The following WAPL variants were observed in gnomAD, a reference collection of about 807,000 sequenced individuals.
WAPL encodes WAPL cohesin release factor, also known as wings apart-like protein homolog.
A neutral mutation model predicts 121.0 loss-of-function variants in WAPL; 5 were observed. The ratio of observed to expected loss-of-function variants is 0.04; its 90% CI spans 0.02 to 0.09. The LOEUF is 0.09. Among genes scored for constraint, WAPL ranks in the 10% least tolerant of loss-of-function variants. The pLI, the probability that WAPL is intolerant of heterozygous loss-of-function variation, is 1.00. For missense variants in WAPL, 999 were observed against 1,410.8 expected (o/e 0.71, Z 4.68); for synonymous variants, 480 against 481.5 (o/e 1.00, Z 0.04).
At chr10:86,468,987 C>T (rs967524786) in intron 8 of WAPL, among the ~76,000 whole-genome samples, 26 of 152,024 alleles carry the variant, frequency 1.7e-4, no homozygotes, top group African/African-American at 6.0e-4. Context: ...CTCTGTAATC[C>T]CAGCTACTCA....
intron 10 of WAPL, among the ~76,000 whole-genome samples, chr10:86,460,953 T>G (rs1181723006): frequency 6.6e-6 from 1 of 152,196 alleles, no homozygotes; most frequent in Non-Finnish European, 1.5e-5. Flanking sequence ...CCTCAGGTGA[T>G]CCGCCCGCCT....
intron 2 of WAPL, among the ~76,000 whole-genome samples, chr10:86,508,073 G>A (rs975661876): frequency 6.6e-6 from 1 of 152,140 alleles, no homozygotes; most frequent in Non-Finnish European, 1.5e-5. Context: ...ATACACACTA[G>A]GTAGATTAGT....
chr10:86,509,135 T>C (rs1564588968), intron 2 of WAPL, among the ~76,000 whole-genome samples: 3 of 152,222 alleles, frequency 2.0e-5, no homozygotes, highest in Admixed American at 6.5e-5. Context: ...CCAGATAATA[T>C]TTATATACTG....
chr10:86,447,078 G>A (rs765794514), intron 15 of WAPL, among the ~76,000 whole-genome samples: 1 of 152,192 alleles, frequency 6.6e-6, no homozygotes, highest in Admixed American at 6.5e-5. Flanking sequence ...GAGTAAAGGA[G>A]GTCAAAATTA....
At chr10:86,444,904 A>AAAAG (rs1278426891) in intron 16 of WAPL, among the ~76,000 whole-genome samples, 8 of 151,076 alleles carry the variant, frequency 5.3e-5, no homozygotes, top group Non-Finnish European at 8.8e-5. Flanking sequence ...AAAAAAAAAA[A>AAAAG]AAAAAAAAGA....
At chr10:86,478,636 C>A (rs1176202852) in intron 4 of WAPL, among the ~76,000 whole-genome samples, 1 of 152,136 alleles carries the variant, frequency 6.6e-6, no homozygotes, top group African/African-American at 2.4e-5. Context: ...TCAAATGTGA[C>A]ATTCCATTAA....
rs760009493 is a variant in WAPL, at chr10:86,500,149, C to G, written c.1094G>C (p.Cys365Ser). The change falls in exon 3 of 19, where the codon TGC becomes TCC. Residue 365 changes from cysteine (C) to serine (S), a missense_variant. This residue lies in a region of WAPL where 531 missense variants were observed against 563.1 expected (regional missense o/e 0.94). Transcript: ENST00000298767. ...TRDYTVLHPSCLSVCNVTIQD... is the reference protein window; with the variant it reads ...TRDYTVLHPSSLSVCNVTIQD... ...TATGGTAACATTACAAACTGACAAGCAAGATGGATGTAAAACAGTGTAATC... is the reference window on the plus strand; with the variant it reads ...TATGGTAACATTACAAACTGACAAGGAAGATGGATGTAAAACAGTGTAATC... The G allele has an allele frequency of 3.1e-6, 5 of 1,614,188 alleles. No homozygotes were observed. In the South Asian group the frequency reaches 4.4e-5, roughly 14 times the overall value.
chr10:86,469,561 TCTACTTACACAATCTAAATA>T (rs1480167420), intron 8 of WAPL, among the ~76,000 whole-genome samples: 1 of 152,014 alleles, frequency 6.6e-6, no homozygotes, highest in African/African-American at 2.4e-5. Context: ...GCCAGGACAC[TCTACTTACACAATCTAAATA>T]CTGAAGGTGA....
chr10:86,445,300 A>G (rs1449941342), intron 16 of WAPL, among the ~76,000 whole-genome samples: 1 of 152,154 alleles, frequency 6.6e-6, no homozygotes, highest in Non-Finnish European at 1.5e-5. Context: ...ACTAACCTGT[A>G]TTATTTTTTC....
chr10:86,507,685 T>C (rs1416141566), intron 2 of WAPL, among the ~76,000 whole-genome samples: 1 of 151,874 alleles, frequency 6.6e-6, no homozygotes, highest in Admixed American at 6.6e-5. Context: ...CTAAAATGCT[T>C]CACTTCATAA....
chr10:86,496,331 G>A (rs1028758802), intron 4 of WAPL, among the ~76,000 whole-genome samples: 3 of 152,162 alleles, frequency 2.0e-5, no homozygotes, highest in Non-Finnish European at 2.9e-5. Flanking sequence ...GCCCTCATAT[G>A]TTGCTGGTAG....
chr10:86,486,729 G>A (rs1841937533), intron 4 of WAPL, among the ~76,000 whole-genome samples: 1 of 152,182 alleles, frequency 6.6e-6, no homozygotes, highest in African/African-American at 2.4e-5. Context: ...GCCGAGACCG[G>A]CAGATGGCTA....
intron 1 of WAPL, among the ~76,000 whole-genome samples, chr10:86,519,629 C>T (rs181787056): frequency 2.1e-4 from 32 of 152,320 alleles, no homozygotes; most frequent in African/African-American, 7.0e-4. Context: ...AGCTCTAACA[C>T]TAACAAGTCT....
intron 2 of WAPL, among the ~76,000 whole-genome samples, chr10:86,510,314 C>T (rs11202050): frequency 2.0e-5 from 3 of 152,088 alleles, no homozygotes; most frequent in African/African-American, 7.2e-5. Flanking sequence ...ACCTCGTGAT[C>T]CACCCGCCTT....
Position 86,446,356 on chromosome 10 carries a change from C to T in WAPL, c.3208G>A (p.Gly1070Arg), listed in dbSNP as rs1849618637. Residue 1070 changes from glycine (G) to arginine (R), a missense_variant, in exon 16 of 19, where the codon GGA (glycine) becomes AGA (arginine). Transcript: ENST00000298767. ...DAPTTQHDKS[G>R]EWQETSGEIQ... ...TCTCCACTTGTTTCTTGCCACTCTCCACTCTTATCATGCTGAGTGGTGGGA... is the reference window on the plus strand; with the variant it reads ...TCTCCACTTGTTTCTTGCCACTCTCTACTCTTATCATGCTGAGTGGTGGGA... 1 of 1,614,146 alleles carries T rather than the reference C, an allele frequency of 6.2e-7. No individual in the cohort carries two copies. The highest frequency in any genetic ancestry group is 8.5e-7 in the Non-Finnish European group (1 of 1,180,044).
At chr10:86,456,972 C>T (rs547132299) in intron 12 of WAPL, among the ~76,000 whole-genome samples, 65 of 152,226 alleles carry the variant, frequency 4.3e-4, no homozygotes, top group African/African-American at 1.5e-3. Context: ...CCTGAATTTC[C>T]TAATCACAAC....
intron 2 of WAPL, among the ~76,000 whole-genome samples, chr10:86,503,833 C>T (rs2132224094): frequency 1.3e-5 from 2 of 152,148 alleles, no homozygotes; most frequent in East Asian, 3.9e-4. Context: ...CCTTAATATA[C>T]CAAGAATCCT....
chr10:86,500,853 A>G, intron 2 of WAPL, 110 bp from the exon 3 acceptor site: 1 of 906,136 alleles, frequency 1.1e-6, no homozygotes, highest in Non-Finnish European at 1.6e-6. Context: ...GAAGAACTGC[A>G]AATAATTTTA....
chr10:86,437,697 T>G, intron 18 of WAPL, 89 bp from the exon 19 acceptor site: 5 of 1,362,352 alleles, frequency 3.7e-6, no homozygotes, highest in Non-Finnish European at 5.1e-6. Flanking sequence ...CTAGATTTAC[T>G]AAACTGAACA....
Sources: allele counts gnomAD v4.1 joint callset (sites outside exome capture counted in the v4.1 genomes callset), GRCh38; gene constraint gnomAD v4.1.1; regional missense constraint gnomAD v4.1.1; transcripts MANE v1.5; gene names NCBI Gene and HGNC (gene_info 2026-07-23, HGNC 2026-07-21).